Variants in CNTN5 observed in about 807,000 individuals in gnomAD.
The protein encoded by CNTN5 is contactin-5.
In CNTN5, 77 loss-of-function variants were observed where a neutral mutation model predicts 129.1. That is an observed-to-expected ratio of 0.60 (90% CI 0.50 to 0.72). The LOEUF is 0.72. Among genes scored for constraint, CNTN5 ranks in the 30% least tolerant of loss-of-function variants. CNTN5 has a pLI of 0.00. For missense variants in CNTN5, 1,478 were observed against 1,328.8 expected (o/e 1.11, Z -1.75); for synonymous variants, 509 against 465.6 (o/e 1.09, Z -1.20).
At chr11:99,126,815 T>C (rs1315139770) in intron 1 of CNTN5, among the ~76,000 whole-genome samples, 1 of 152,210 alleles carries the variant, frequency 6.6e-6, no homozygotes, top group Non-Finnish European at 1.5e-5. Flanking sequence ...TAGGCTCTGC[T>C]TCTATTCCTC....
chr11:99,288,778 A>G (rs1864048267), intron 1 of CNTN5, among the ~76,000 whole-genome samples: 1 of 151,932 alleles, frequency 6.6e-6, no homozygotes, highest in African/African-American at 2.4e-5. Context: ...GCTTAAATAA[A>G]ATGAACTATT....
chr11:99,191,416 G>A (rs1858636820), intron 1 of CNTN5, among the ~76,000 whole-genome samples: 1 of 151,626 alleles, frequency 6.6e-6, no homozygotes, highest in Non-Finnish European at 1.5e-5. Flanking sequence ...GGTATTAGGA[G>A]TAGGAAAGAT....
At chr11:100,299,524 C>T (rs2138890962) in intron 20 of CNTN5, 128 bp downstream of exon 20, 1 of 556,170 alleles carries the variant, frequency 1.8e-6, no homozygotes, top group Non-Finnish European at 2.9e-6. Context: ...TCTCACTAAA[C>T]TTTTTGGATA....
intron 3 of CNTN5, among the ~76,000 whole-genome samples, chr11:99,600,254 T>A (rs621882): frequency 0.99 from 151,295 of 152,234 alleles, 75,187 homozygotes; most frequent in East Asian, 1. Context: ...AACTGACATG[T>A]AAATATATTT....
At position 99,025,897 on chromosome 11, in the gene CNTN5, A is replaced by G. The variant is rs555896815; in HGVS notation, c.-210+4627A>G. 5.9e-5 allele frequency among the ~76,000 whole-genome samples: 9 copies of G among 151,824 alleles called. No homozygotes were observed. The South Asian group carries it at 1.9e-3, about 31-fold the overall frequency. Reference sequence around the variant, plus strand: ...TTTTCTGAAATTAAACGAAATATAAAGGCAATACTCAAGAATTTAGAACAA... The same window carrying G: ...TTTTCTGAAATTAAACGAAATATAAGGGCAATACTCAAGAATTTAGAACAA... On this transcript the variant is annotated intron_variant, in intron 1 of 24. Transcript: ENST00000524871.
intron 6 of CNTN5, among the ~76,000 whole-genome samples, chr11:99,860,673 C>G (rs1316999708): frequency 6.6e-6 from 1 of 152,036 alleles, no homozygotes; most frequent in Non-Finnish European, 1.5e-5. Flanking sequence ...GATTTTGTAC[C>G]AGTACCATGC....
chr11:99,198,576 C>T (rs1859019412), intron 1 of CNTN5, among the ~76,000 whole-genome samples: 1 of 151,506 alleles, frequency 6.6e-6, no homozygotes, highest in Admixed American at 6.6e-5. Context: ...TGTTTAACAA[C>T]AAAAAAAGAA....
intron 1 of CNTN5, among the ~76,000 whole-genome samples, chr11:99,033,653 T>G (rs1332241425): frequency 1.3e-5 from 2 of 150,832 alleles, no homozygotes; most frequent in African/African-American, 2.4e-5. Context: ...GCTTATCAGC[T>G]TAAGGAGATT....
At chr11:99,741,003 C>T (rs1943871470) in intron 3 of CNTN5, among the ~76,000 whole-genome samples, 1 of 152,118 alleles carries the variant, frequency 6.6e-6, no homozygotes, top group Non-Finnish European at 1.5e-5. Context: ...TTATTGTTTG[C>T]ATCTTGAATC....
intron 13 of CNTN5, among the ~76,000 whole-genome samples, chr11:100,177,255 A>G (rs777613538): frequency 4.6e-5 from 7 of 152,106 alleles, no homozygotes; most frequent in Non-Finnish European, 1.0e-4. Context: ...TCCAAGTGAG[A>G]TGTCAGCTCC....
At chr11:99,853,807 T>C (rs771796933) in intron 6 of CNTN5, among the ~76,000 whole-genome samples, 13 of 152,214 alleles carry the variant, frequency 8.5e-5, no homozygotes, top group Admixed American at 3.9e-4. Flanking sequence ...ATGAAGGAAG[T>C]TCTATTATTG....
chr11:99,624,340 C>A (rs560353520), intron 3 of CNTN5, among the ~76,000 whole-genome samples: 9 of 152,008 alleles, frequency 5.9e-5, no homozygotes, highest in Admixed American at 1.3e-4. Context: ...TTACTTCTGC[C>A]TTAAGTAGTC....
intron 13 of CNTN5, among the ~76,000 whole-genome samples, chr11:100,084,688 A>G (rs1171745868): frequency 6.6e-6 from 1 of 152,098 alleles, no homozygotes; most frequent in Non-Finnish European, 1.5e-5. Context: ...AGAGGTAGGT[A>G]GGTAGGTAAG....
intron 15 of CNTN5, among the ~76,000 whole-genome samples, chr11:100,207,544 C>A (rs1948942861): frequency 1.3e-5 from 2 of 152,182 alleles, no homozygotes; most frequent in South Asian, 4.1e-4. Context: ...CTAAAAAATA[C>A]TGCATTTTAT....
chr11:100,079,109 G>A (rs939248011), intron 13 of CNTN5, among the ~76,000 whole-genome samples: 1 of 152,046 alleles, frequency 6.6e-6, no homozygotes. Flanking sequence ...AACAGCGTGC[G>A]GAATACCACT....
chr11:99,967,653 A>C (rs1454646533), intron 8 of CNTN5, among the ~76,000 whole-genome samples: 3 of 152,148 alleles, frequency 2.0e-5, no homozygotes, highest in Non-Finnish European at 4.4e-5. Context: ...GCGTTCCACA[A>C]AACAGCAGAA....
chr11:99,870,478 T>C (rs1016143931), intron 6 of CNTN5, among the ~76,000 whole-genome samples: 2 of 152,126 alleles, frequency 1.3e-5, no homozygotes, highest in African/African-American at 2.4e-5. Context: ...CTAGACATGA[T>C]AAAATATAAA....
rs542515339 is a variant in CNTN5 at position 99,877,665 on chromosome 11, A to C, written c.577+32403A>C. 3.9e-5 allele frequency among the ~76,000 whole-genome samples: 6 copies of C among 152,322 alleles called. No homozygotes were observed. In the East Asian group the frequency reaches 1.2e-3, roughly 29 times the overall value. On this transcript the variant is annotated intron_variant, in intron 6 of 24. Coordinates refer to ENST00000524871, the MANE Select transcript of CNTN5 (RefSeq NM_014361.4). ...AACATGTAGAAAGGGTAATTTTAAC[A>C]TAACAGTCTTAATTGCTTAAAATTA...
At position 100,252,446 on chromosome 11, in the gene CNTN5, T is replaced by C. The variant is rs577976296; in HGVS notation, c.2006-3314T>C. On this transcript the variant is annotated intron_variant, in intron 16 of 24. Transcript: ENST00000524871. ...AATCCTATTTGTTTATTTTTGCTTTTGTTGCCTGTGCTTTTGAGATCTTAT... is the reference window on the plus strand; with the variant it reads ...AATCCTATTTGTTTATTTTTGCTTTCGTTGCCTGTGCTTTTGAGATCTTAT... Among the ~76,000 whole-genome samples the C allele has an allele frequency of 1.6e-4, 24 of 152,182 alleles. 1 individual carries two copies. Among genetic ancestry groups the C allele is most frequent in the South Asian group, 6.2e-4 (3 of 4,834 alleles).
Sources: allele counts gnomAD v4.1 joint callset (sites outside exome capture counted in the v4.1 genomes callset), GRCh38; gene constraint gnomAD v4.1.1; transcripts MANE v1.5; gene names NCBI Gene and HGNC (gene_info 2026-07-23, HGNC 2026-07-21).